Variants in EEA1 observed in about 807,000 individuals in gnomAD.
EEA1 encodes early endosome antigen 1, also known as early endosome antigen 1, 162kD.
EEA1 carries 111 observed loss-of-function variants against 209.2 expected under a neutral mutation model. That is an observed-to-expected ratio of 0.53 (90% CI 0.45 to 0.62). EEA1 has a LOEUF of 0.62. EEA1 is among the 20% of genes least tolerant of loss of function. The pLI is 0.00. For missense variants in EEA1, 1,343 were observed against 1,530.8 expected, an observed-to-expected ratio of 0.88 and a Z score of 2.05; for synonymous variants, 536 against 540.6, an observed-to-expected ratio of 0.99 and a Z score of 0.12.
intron 10 of EEA1, 134 bp from the exon 11 acceptor site, chr12:92,832,984 G>T: frequency 1.6e-6 from 1 of 636,970 alleles, no homozygotes; most frequent in East Asian, 3.0e-5. Context: ...CAGTGACAAT[G>T]TTCTAGTCAA....
At chr12:92,796,360 A>G (rs1360656835) in intron 21 of EEA1, among the ~76,000 whole-genome samples, 1 of 152,082 alleles carries the variant, frequency 6.6e-6, no homozygotes, top group Non-Finnish European at 1.5e-5. Flanking sequence ...TACTTACAAT[A>G]CCATTAGGTA....
At chr12:92,903,797 T>C (rs2136768604) in intron 1 of EEA1, among the ~76,000 whole-genome samples, 1 of 152,234 alleles carries the variant, frequency 6.6e-6, no homozygotes, top group East Asian at 1.9e-4. Flanking sequence ...TAAAAGGTAA[T>C]CATATAAGAC....
intron 2 of EEA1, chr12:92,884,189 G>C: frequency 1.4e-6 from 2 of 1,436,046 alleles, no homozygotes. Flanking sequence ...GACTCACTGA[G>C]GCAGTGCCAA....
At chr12:92,869,139 A>T (rs754632711) in intron 2 of EEA1, among the ~76,000 whole-genome samples, 1 of 152,222 alleles carries the variant, frequency 6.6e-6, no homozygotes, top group Non-Finnish European at 1.5e-5. Context: ...CCAATTTGAT[A>T]TAAGAGACTC....
chr12:92,866,367 T>G (rs1878395902), intron 2 of EEA1, among the ~76,000 whole-genome samples: 1 of 151,970 alleles, frequency 6.6e-6, no homozygotes, highest in African/African-American at 2.4e-5. Flanking sequence ...AATTCTAAAA[T>G]TCCCCTCTAT....
At chr12:92,785,174 G>A (rs1490711633) in intron 22 of EEA1, among the ~76,000 whole-genome samples, 1 of 152,028 alleles carries the variant, frequency 6.6e-6, no homozygotes. Context: ...AAATTTTACA[G>A]TTAAATTCTA....
intron 2 of EEA1, among the ~76,000 whole-genome samples, chr12:92,878,924 T>C (rs545839080): frequency 1.1e-4 from 17 of 152,156 alleles, no homozygotes; most frequent in South Asian, 2.1e-4. Flanking sequence ...AGAATCTGAG[T>C]AATAATCAAT....
Position 92,911,241 on chromosome 12 carries a change from C to T in EEA1, c.24+17802G>A, listed in dbSNP as rs566936128. ...AAAGCTTGTAATTGACCAAGATGTC[C>T]CCCAGCGGGTGAATCAATAACTTAC... is the stretch of plus-strand genomic sequence containing the variant. On this transcript the variant is annotated intron_variant, in intron 1 of 28. Coordinates refer to ENST00000322349, the MANE Select transcript of EEA1 (RefSeq NM_003566.4). Among the ~76,000 whole-genome samples the T allele has an allele frequency of 1.1e-4, 16 of 152,222 alleles. No individual in the cohort carries two copies. In the East Asian group the frequency reaches 3.1e-3, roughly 29 times the overall value.
At chr12:92,912,926 C>T (rs1347873250) in intron 1 of EEA1, among the ~76,000 whole-genome samples, 2 of 152,152 alleles carry the variant, frequency 1.3e-5, no homozygotes, top group Non-Finnish European at 2.9e-5. Context: ...ACCACATTTT[C>T]TTTATCCAAT....
intron 10 of EEA1, among the ~76,000 whole-genome samples, chr12:92,834,943 G>A (rs1247896656): frequency 2.0e-5 from 3 of 149,864 alleles, no homozygotes; most frequent in Non-Finnish European, 3.0e-5. Context: ...GCAGTGGCGC[G>A]ATCTCAGCTA....
rs1038253211 is a variant in EEA1, at chr12:92,929,235, C to G, written c.-169G>C. The G allele has an allele frequency of 4.0e-5, 18 of 455,108 alleles. No individual in the cohort carries two copies. Among genetic ancestry groups the G allele is most frequent in the Admixed American group, 8.8e-5 (2 of 22,680 alleles). The allele number at this position is 455,108 out of a possible 1,614,324, so 28.2% of individuals were successfully genotyped here. A position where few individuals can be genotyped will look rare whatever the true frequency, so the allele number is the denominator to read the frequency against. ...CGGGCGGCCCCGACTTCCCCACAGG[C>G]GGCGAGAGGGAGCACGCGAGAGAGA... On this transcript the variant is annotated 5_prime_UTR_variant, in exon 1 of 29. Transcript: ENST00000322349.
intron 5 of EEA1, among the ~76,000 whole-genome samples, chr12:92,856,837 T>C (rs1223623195): frequency 7.3e-6 from 1 of 137,338 alleles, no homozygotes; most frequent in African/African-American, 2.8e-5. Flanking sequence ...AGTGGTGAGA[T>C]CACAGCTCAC....
At chr12:92,793,030 A>C (rs1472885476) in intron 21 of EEA1, among the ~76,000 whole-genome samples, 2 of 152,206 alleles carry the variant, frequency 1.3e-5, no homozygotes, top group Non-Finnish European at 2.9e-5. Flanking sequence ...AACGACAAAA[A>C]CCACATGGTA....
intron 1 of EEA1, among the ~76,000 whole-genome samples, chr12:92,924,841 A>T (rs977197505): frequency 0.046 from 483 of 10,550 alleles, 4 homozygotes; most frequent in African/African-American, 0.18. Flanking sequence ...CTAACATGCT[A>T]AAAAAAAAAA....
chr12:92,778,106 A>G lies in EEA1; in HGVS notation c.3728T>C (p.Ile1243Thr). 6.2e-7 allele frequency: 1 copy of G among 1,613,456 alleles called. No homozygotes were observed. The highest frequency in any genetic ancestry group is 8.5e-7 in the Non-Finnish European group (1 of 1,179,544). Reference sequence around the variant, plus strand: ...GCCTAAGTTTTCATTTAATGCTGTAATCTGCATGGTAAGTTTAGCCTCATT... The same window carrying G: ...GCCTAAGTTTTCATTTAATGCTGTAGTCTGCATGGTAAGTTTAGCCTCATT... ...EENEAKLTMQ[I>T]TALNENLGTV... is the part of the protein sequence containing the mutation. The change falls in exon 26 of 29, where the codon ATT (isoleucine) becomes ACT (threonine). Residue 1243 changes from isoleucine (I) to threonine (T), a missense_variant. Coordinates refer to ENST00000322349, the MANE Select transcript of EEA1 (RefSeq NM_003566.4).
At chr12:92,780,818 A>C (rs1437076028) in intron 23 of EEA1, among the ~76,000 whole-genome samples, 1 of 152,210 alleles carries the variant, frequency 6.6e-6, no homozygotes, top group African/African-American at 2.4e-5. Flanking sequence ...CAAAGGTTTA[A>C]GAGACATAAA....
At chr12:92,927,191 G>A (rs1006325243) in intron 1 of EEA1, among the ~76,000 whole-genome samples, 1 of 152,210 alleles carries the variant, frequency 6.6e-6, no homozygotes, top group African/African-American at 2.4e-5. Context: ...TGTCACAAGG[G>A]GGAAGGGATA....
In EEA1 at chr12:92,858,877, A is replaced by G. The variant is rs145427995; in HGVS notation, c.246-1392T>C. Reference sequence around the variant, plus strand: ...GGGTGATGCTGGTTTGTATGACTGGACAGAAAACCATTATGGACACTTACA... The same window carrying G: ...GGGTGATGCTGGTTTGTATGACTGGGCAGAAAACCATTATGGACACTTACA... On this transcript the variant is annotated intron_variant, in intron 3 of 28. Coordinates refer to ENST00000322349, the MANE Select transcript of EEA1 (RefSeq NM_003566.4). 1.2e-5 allele frequency: 9 copies of G among 721,842 alleles called. No homozygotes were observed. In the African/African-American group the frequency reaches 1.4e-4, roughly 11 times the overall value. 44.7% of individuals were successfully genotyped at this position (721,842 alleles called of 1,614,324 possible). A position where few individuals can be genotyped will look rare whatever the true frequency, so the allele number is the denominator to read the frequency against.
chr12:92,914,385 T>G (rs1304403658), intron 1 of EEA1, among the ~76,000 whole-genome samples: 1 of 152,244 alleles, frequency 6.6e-6, no homozygotes, highest in African/African-American at 2.4e-5. Flanking sequence ...TGTAGCCTTG[T>G]AGCATAACGT....
Sources: gnomAD v4.1 joint callset for allele counts (sites outside exome capture counted in the v4.1 genomes callset) on GRCh38, gnomAD v4.1.1 for gene constraint, MANE v1.5 for transcripts, NCBI Gene and HGNC (gene_info 2026-07-23, HGNC 2026-07-21) for gene names.